The following GPC6 variants were observed in gnomAD, a reference collection of about 807,000 sequenced individuals.
GPC6 encodes glypican 6.
A neutral mutation model predicts 55.2 loss-of-function variants in GPC6; 14 were observed. The ratio of observed to expected loss-of-function variants is 0.25; its 90% CI spans 0.17 to 0.40. GPC6 has a LOEUF of 0.40. Among genes scored for constraint, GPC6 ranks in the 10% least tolerant of loss-of-function variants. GPC6 has a pLI of 1.00. For synonymous variants in GPC6, 278 were observed against 259.6 expected, an observed-to-expected ratio of 1.07 and a Z score of -0.68; for missense variants, 641 against 708.5, an observed-to-expected ratio of 0.90 and a Z score of 1.08.
At chr13:93,786,832 T>G (rs1885828971) in intron 2 of GPC6, among the ~76,000 whole-genome samples, 1 of 152,188 alleles carries the variant, frequency 6.6e-6, no homozygotes, top group South Asian at 2.1e-4. Flanking sequence ...GCTTAGTAAG[T>G]GGCACAAAAC....
chr13:94,229,492 G>T (rs1386489305), intron 4 of GPC6, among the ~76,000 whole-genome samples: 1 of 152,176 alleles, frequency 6.6e-6, no homozygotes, highest in Non-Finnish European at 1.5e-5. Flanking sequence ...GAAACGTGTA[G>T]CCTGAATAGG....
At chr13:93,235,319 G>T (rs1876197228) in intron 1 of GPC6, among the ~76,000 whole-genome samples, 1 of 152,142 alleles carries the variant, frequency 6.6e-6, no homozygotes, top group Non-Finnish European at 1.5e-5. Context: ...AAAGGAATCT[G>T]ATATTGAATA....
At chr13:93,339,730 G>A (rs7331899) in intron 1 of GPC6, among the ~76,000 whole-genome samples, 6,325 of 152,168 alleles carry the variant, frequency 0.042, 234 homozygotes, top group African/African-American at 0.093. Context: ...CGGCTTCCCG[G>A]GCTTAAAATG....
intron 1 of GPC6, among the ~76,000 whole-genome samples, chr13:93,276,194 G>A (rs1041833720): frequency 6.6e-6 from 1 of 152,026 alleles, no homozygotes; most frequent in African/African-American, 2.4e-5. Context: ...AGTATTTTAT[G>A]TTCAGTGACC....
At chr13:93,512,823 A>G (rs1881034434) in intron 1 of GPC6, among the ~76,000 whole-genome samples, 1 of 152,146 alleles carries the variant, frequency 6.6e-6, no homozygotes, top group Admixed American at 6.5e-5. Context: ...TCTAGATATT[A>G]AACAATAATA....
chr13:93,988,593 T>C (rs1881141191), intron 3 of GPC6, among the ~76,000 whole-genome samples: 1 of 152,136 alleles, frequency 6.6e-6, no homozygotes, highest in Admixed American at 6.6e-5. Context: ...ATAGATGGGT[T>C]CTCTTTTCTG....
chr13:94,231,955 G>A (rs1378217076), intron 4 of GPC6, among the ~76,000 whole-genome samples: 2 of 152,056 alleles, frequency 1.3e-5, no homozygotes, highest in Non-Finnish European at 2.9e-5. Flanking sequence ...AAATCCCAAA[G>A]GTCCAAATCG....
intron 4 of GPC6, among the ~76,000 whole-genome samples, chr13:94,177,875 G>C (rs1046933343): frequency 2.6e-5 from 4 of 151,940 alleles, no homozygotes; most frequent in Non-Finnish European, 5.9e-5. Flanking sequence ...ATCTTCCTCT[G>C]AATACATATT....
chr13:93,256,068 G>C (rs1876941386), intron 1 of GPC6, among the ~76,000 whole-genome samples: 1 of 150,356 alleles, frequency 6.7e-6, no homozygotes, highest in Non-Finnish European at 1.5e-5. Context: ...AATTGCTTGA[G>C]ATGTTGTAAG....
chr13:94,224,616 G>C (rs966575467), intron 4 of GPC6, among the ~76,000 whole-genome samples: 5 of 152,078 alleles, frequency 3.3e-5, no homozygotes, highest in African/African-American at 1.2e-4. Flanking sequence ...TTGCAAAATT[G>C]CCCTTGTTTG....
At chr13:93,275,146 C>A (rs1301158507) in intron 1 of GPC6, among the ~76,000 whole-genome samples, 2 of 152,204 alleles carry the variant, frequency 1.3e-5, no homozygotes, top group Non-Finnish European at 2.9e-5. Context: ...CCAGCTCTGA[C>A]ATGTTGCAAA....
At chr13:93,611,639 A>T (rs1878465071) in intron 2 of GPC6, among the ~76,000 whole-genome samples, 1 of 152,162 alleles carries the variant, frequency 6.6e-6, no homozygotes, top group South Asian at 2.1e-4. Context: ...CCACAGTCTA[A>T]TCAATAAAGT....
chr13:93,766,955 C>T lies in GPC6; in HGVS notation c.320-63199C>T, dbSNP rs923575211. On this transcript the variant is annotated intron_variant, in intron 2 of 8. Coordinates refer to ENST00000377047, the MANE Select transcript of GPC6 (RefSeq NM_005708.5). ...ATTCCTAATGGATTAAAAAACAAAACACAGTGCTTTAAAATGCACTTAATT... is the reference window on the plus strand; with the variant it reads ...ATTCCTAATGGATTAAAAAACAAAATACAGTGCTTTAAAATGCACTTAATT... Among the ~76,000 whole-genome samples, 4 of 152,076 alleles carry T rather than the reference C, an allele frequency of 2.6e-5. No individual in the cohort carries two copies. The South Asian group carries it at 8.3e-4, about 31-fold the overall frequency.
At chr13:93,582,098 G>A (rs1876964173) in intron 2 of GPC6, among the ~76,000 whole-genome samples, 1 of 152,196 alleles carries the variant, frequency 6.6e-6, no homozygotes, top group African/African-American at 2.4e-5. Context: ...TAAATTTTTT[G>A]AAGGGGAATA....
chr13:93,731,001 C>T (rs1883801008), intron 2 of GPC6, among the ~76,000 whole-genome samples: 1 of 152,072 alleles, frequency 6.6e-6, no homozygotes, highest in Non-Finnish European at 1.5e-5. Context: ...AAGATCAGGA[C>T]AAAAATGAAA....
At chr13:93,808,408 A>T (rs547647618) in intron 2 of GPC6, among the ~76,000 whole-genome samples, 1 of 152,326 alleles carries the variant, frequency 6.6e-6, no homozygotes, top group African/African-American at 2.4e-5. Context: ...GTAAATTGTA[A>T]GAATTAGCCT....
chr13:93,811,391 G>A (rs1490394104), intron 2 of GPC6, among the ~76,000 whole-genome samples: 2 of 152,188 alleles, frequency 1.3e-5, no homozygotes, highest in African/African-American at 4.8e-5. Flanking sequence ...TTACAGCCCA[G>A]TTTGATATCT....
rs550163891 is a variant in GPC6, at chr13:94,177,674, A to G, written c.878-108675A>G. ...TTCATATGTTTGGACTATACATCAT[A>G]TAAGGCCTTCGGGAAGCATTAAGAA... On this transcript the variant is annotated intron_variant, in intron 4 of 8. Transcript: ENST00000377047. Among the ~76,000 whole-genome samples the G allele has an allele frequency of 2.6e-5, 4 of 152,312 alleles. 1 individual carries two copies. Among genetic ancestry groups the G allele is most frequent in the African/African-American group, 9.6e-5 (4 of 41,580 alleles).
At chr13:93,609,800 C>A (rs1261777666) in intron 2 of GPC6, among the ~76,000 whole-genome samples, 1 of 152,194 alleles carries the variant, frequency 6.6e-6, no homozygotes, top group Non-Finnish European at 1.5e-5. Context: ...TCACCCCTCT[C>A]CATAGACCCA....
Sources: gnomAD v4.1 joint callset for allele counts (sites outside exome capture counted in the v4.1 genomes callset) on GRCh38, gnomAD v4.1.1 for gene constraint, MANE v1.5 for transcripts, NCBI Gene and HGNC (gene_info 2026-07-23, HGNC 2026-07-21) for gene names.